NRXN3: variants seen among roughly 807,000 people sequenced by gnomAD.
NRXN3 encodes the protein neurexin III.
NRXN3 carries 32 observed loss-of-function variants against 137.6 expected under a neutral mutation model. The ratio of observed to expected loss-of-function variants is 0.23; its 90% CI spans 0.18 to 0.31. The LOEUF is 0.31. Among genes scored for constraint, NRXN3 ranks in the 10% least tolerant of loss-of-function variants. The probability of loss-of-function intolerance (pLI) is 1.00; values close to 1 mark genes in which losing one functional copy is unlikely to be tolerated. For missense variants in NRXN3, 1,574 were observed against 2,062.5 expected, an observed-to-expected ratio of 0.76 and a Z score of 4.59; for synonymous variants, 798 against 784.5, an observed-to-expected ratio of 1.02 and a Z score of -0.29.
At chr14:79,146,735 T>G (rs777974562) in intron 15 of NRXN3, among the ~76,000 whole-genome samples, 2 of 152,120 alleles carry the variant, frequency 1.3e-5, no homozygotes, top group Admixed American at 6.6e-5. Context: ...AGAATCCATC[T>G]CCTTGGGCAA....
chr14:78,532,328 A>G (rs112110585), intron 4 of NRXN3, among the ~76,000 whole-genome samples: 17 of 150,018 alleles, frequency 1.1e-4, no homozygotes, highest in African/African-American at 3.4e-4. Flanking sequence ...TCTCAAAAGA[A>G]AAAAAAAAAG....
chr14:78,709,842 C>G (rs546378161), intron 7 of NRXN3, 187 bp downstream of exon 7: 5 of 596,200 alleles, frequency 8.4e-6, no homozygotes, highest in African/African-American at 1.9e-5. Context: ...TCACATTCTC[C>G]GCTTATCTCT....
chr14:78,829,243 T>C (rs1055337823), intron 10 of NRXN3, among the ~76,000 whole-genome samples: 2 of 152,188 alleles, frequency 1.3e-5, no homozygotes, highest in Admixed American at 6.5e-5. Context: ...TTGTTCTTAG[T>C]CACTTGTGGA....
At chr14:79,575,395 A>G (rs1229803439) in intron 16 of NRXN3, among the ~76,000 whole-genome samples, 2 of 152,198 alleles carry the variant, frequency 1.3e-5, no homozygotes, top group African/African-American at 4.8e-5. Context: ...TGGAGCAGGG[A>G]GAGTGAATTC....
intron 16 of NRXN3, among the ~76,000 whole-genome samples, chr14:79,621,357 T>C (rs964506969): frequency 1.3e-5 from 2 of 152,204 alleles, no homozygotes; most frequent in Non-Finnish European, 2.9e-5. Flanking sequence ...ATGTGAAGAA[T>C]AGATAGATAC....
chr14:79,614,922 A>T (rs1464692300), intron 16 of NRXN3, among the ~76,000 whole-genome samples: 1 of 152,212 alleles, frequency 6.6e-6, no homozygotes, highest in African/African-American at 2.4e-5. Context: ...AAAAGGAAAA[A>T]ATAACAACAA....
intron 16 of NRXN3, among the ~76,000 whole-genome samples, chr14:79,588,279 T>C (rs1052922105): frequency 6.6e-6 from 1 of 152,182 alleles, no homozygotes; most frequent in Non-Finnish European, 1.5e-5. Flanking sequence ...TAGATCAAAA[T>C]ATTGTTATGG....
chr14:79,389,528 T>C (rs941791846), intron 15 of NRXN3, among the ~76,000 whole-genome samples: 3 of 152,158 alleles, frequency 2.0e-5, no homozygotes, highest in African/African-American at 7.2e-5. Flanking sequence ...ATTCAAACCA[T>C]AGCATTTGGC....
At chr14:79,692,114 T>C (rs924043134) in intron 17 of NRXN3, 59 bp from the exon 18 acceptor site, 9 of 1,345,712 alleles carry the variant, frequency 6.7e-6, no homozygotes, top group Admixed American at 2.4e-5. Context: ...CCTAGGATGT[T>C]TTTTAATGAC....
intron 15 of NRXN3, among the ~76,000 whole-genome samples, chr14:79,202,001 G>A (rs1360713159): frequency 2.6e-5 from 4 of 152,058 alleles, no homozygotes; most frequent in Non-Finnish European, 2.9e-5. Flanking sequence ...AATCCTGTAT[G>A]CTTAACCATT....
intron 17 of NRXN3, among the ~76,000 whole-genome samples, chr14:79,675,127 G>A (rs1042079406): frequency 2.6e-5 from 4 of 152,002 alleles, no homozygotes; most frequent in Admixed American, 2.6e-4. Flanking sequence ...CTAGTAGGTG[G>A]CAGAACCAAC....
intron 15 of NRXN3, among the ~76,000 whole-genome samples, chr14:79,316,246 CGTT>C (rs1172188779): frequency 6.6e-6 from 1 of 152,104 alleles, no homozygotes; most frequent in Admixed American, 6.5e-5. Context: ...AAATGTATCT[CGTT>C]GTTGACTCAA....
At chr14:79,563,902 A>G (rs577973694) in intron 16 of NRXN3, among the ~76,000 whole-genome samples, 1 of 152,170 alleles carries the variant, frequency 6.6e-6, no homozygotes, top group East Asian at 1.9e-4. Context: ...TTATTGACTT[A>G]TCTTGGTAGG....
chr14:78,288,534 C>A (rs1219148585), intron 3 of NRXN3, among the ~76,000 whole-genome samples: 1 of 152,198 alleles, frequency 6.6e-6, no homozygotes, highest in African/African-American at 2.4e-5. Context: ...AAAAATCCAT[C>A]ACACCATGAT....
intron 15 of NRXN3, among the ~76,000 whole-genome samples, chr14:79,271,714 C>T (rs1207676371): frequency 6.6e-6 from 1 of 151,930 alleles, no homozygotes; most frequent in Non-Finnish European, 1.5e-5. Context: ...GCCAAGTGAA[C>T]GCTGGGCTTG....
chr14:78,428,894 G>A (rs8021104), intron 4 of NRXN3, among the ~76,000 whole-genome samples: 17,398 of 151,948 alleles, frequency 0.11, 1,408 homozygotes, highest in African/African-American at 0.22. Context: ...CCAAAAAAAC[G>A]CCCTAACAGA....
chr14:78,675,054 G>A (rs1220091220), intron 6 of NRXN3, among the ~76,000 whole-genome samples: 3 of 152,184 alleles, frequency 2.0e-5, no homozygotes, highest in Non-Finnish European at 4.4e-5. Flanking sequence ...CAGCTAAGTA[G>A]GTGGCACCAG....
chr14:78,849,973 T>G (rs776766654), intron 10 of NRXN3, among the ~76,000 whole-genome samples: 25 of 152,182 alleles, frequency 1.6e-4, no homozygotes, highest in African/African-American at 2.4e-4. Context: ...AGCACTGTAT[T>G]CTTTGATGTA....
At chr14:78,554,169 C>T (rs1418177288) in intron 4 of NRXN3, among the ~76,000 whole-genome samples, 2 of 152,142 alleles carry the variant, frequency 1.3e-5, no homozygotes, top group Non-Finnish European at 2.9e-5. Flanking sequence ...ACTTTGACAC[C>T]TCCTCCTAAT....
Sources: allele counts gnomAD v4.1 joint callset (sites outside exome capture counted in the v4.1 genomes callset), GRCh38; gene constraint gnomAD v4.1.1; transcripts MANE v1.5; gene names NCBI Gene and HGNC (gene_info 2026-07-23, HGNC 2026-07-21).